Variants in GSK3B observed in about 807,000 individuals in gnomAD.
GSK3B encodes glycogen synthase kinase-3 beta.
A neutral mutation model predicts 56.4 loss-of-function variants in GSK3B; 15 were observed. The observed-to-expected ratio is 0.27, with a 90% confidence interval of 0.18 to 0.41. The LOEUF is 0.41. Among genes scored for constraint, GSK3B ranks in the 10% least tolerant of loss-of-function variants. The pLI is 1.00. For synonymous variants in GSK3B, 181 were observed against 188.9 expected (o/e 0.96, Z 0.34); for missense variants, 300 against 513.4 (o/e 0.58, Z 4.02).
At chr3:119,878,949 G>A (rs973974198) in intron 7 of GSK3B, among the ~76,000 whole-genome samples, 1 of 152,158 alleles carries the variant, frequency 6.6e-6, no homozygotes, top group African/African-American at 2.4e-5. Flanking sequence ...GGAAACTACT[G>A]GGATTATGAA....
chr3:119,838,980 G>GT (rs1417081883), intron 10 of GSK3B, among the ~76,000 whole-genome samples: 1 of 152,192 alleles, frequency 6.6e-6, no homozygotes, highest in African/African-American at 2.4e-5. Flanking sequence ...TGCAAAAGCA[G>GT]TTCCCTCAGT....
intron 1 of GSK3B, among the ~76,000 whole-genome samples, chr3:120,043,248 A>T (rs921834705): frequency 3.3e-5 from 5 of 152,092 alleles, no homozygotes; most frequent in Non-Finnish European, 7.4e-5. Flanking sequence ...AGTCAAGAAA[A>T]CACCACCACC....
chr3:119,960,151 CAAA>C (rs574956694), intron 2 of GSK3B, among the ~76,000 whole-genome samples: 11 of 74,644 alleles, frequency 1.5e-4, no homozygotes, highest in Admixed American at 1.2e-3. Context: ...TATGCTGAGA[CAAA>C]AAAAAAAAAA....
chr3:120,050,199 G>A (rs2058137154), intron 1 of GSK3B, among the ~76,000 whole-genome samples: 1 of 152,158 alleles, frequency 6.6e-6, no homozygotes, highest in Non-Finnish European at 1.5e-5. Context: ...ACCAGAGCAA[G>A]AACTCACTCA....
chr3:119,965,980 C>T (rs12638973), intron 2 of GSK3B, among the ~76,000 whole-genome samples: 36,736 of 152,046 alleles, frequency 0.24, 4,889 homozygotes, highest in East Asian at 0.48. Flanking sequence ...CACAATTTTC[C>T]GGGGAATCTA....
At chr3:119,980,634 G>T (rs148775668) in intron 2 of GSK3B, among the ~76,000 whole-genome samples, 1 of 152,132 alleles carries the variant, frequency 6.6e-6, no homozygotes, top group Non-Finnish European at 1.5e-5. Flanking sequence ...CATTACAGGC[G>T]TGAGACACCG....
chr3:120,046,065 AGGGGATGGGAG>A (rs1374659077), intron 1 of GSK3B, among the ~76,000 whole-genome samples: 1 of 142,870 alleles, frequency 7.0e-6, no homozygotes, highest in Admixed American at 6.9e-5. Flanking sequence ...AGTGGTGGCC[AGGGGATGGGAG>A]GAGGTGGATG....
At chr3:119,929,248 C>G (rs983786041) in intron 3 of GSK3B, among the ~76,000 whole-genome samples, 6 of 152,138 alleles carry the variant, frequency 3.9e-5, no homozygotes, top group Non-Finnish European at 7.4e-5. Context: ...AAAAGGATTG[C>G]TGTATTAAAT....
intron 1 of GSK3B, among the ~76,000 whole-genome samples, chr3:120,079,338 ACACACACACACATTT>A (rs1021354104): frequency 1.0e-4 from 14 of 138,488 alleles, no homozygotes; most frequent in Non-Finnish European, 1.1e-4. Context: ...ACACACACAC[ACACACACACACATTT>A]TTTTTTTTAA....
intron 1 of GSK3B, among the ~76,000 whole-genome samples, chr3:120,062,306 T>G (rs951607564): frequency 6.6e-6 from 1 of 152,226 alleles, no homozygotes; most frequent in Non-Finnish European, 1.5e-5. Context: ...GTATGTTACA[T>G]GTACCACCTT....
chr3:119,908,145 C>T (rs2056701116), intron 6 of GSK3B, among the ~76,000 whole-genome samples: 1 of 152,076 alleles, frequency 6.6e-6, no homozygotes, highest in African/African-American at 2.4e-5. Context: ...AGGCAAGTAT[C>T]CTAAGTTTAT....
intron 7 of GSK3B, among the ~76,000 whole-genome samples, chr3:119,892,722 T>C (rs1253002558): frequency 6.6e-6 from 1 of 152,136 alleles, no homozygotes; most frequent in Non-Finnish European, 1.5e-5. Flanking sequence ...TTATAGATAA[T>C]GAATTCAATA....
chr3:120,066,189 C>G (rs1279385042), intron 1 of GSK3B, among the ~76,000 whole-genome samples: 3 of 152,094 alleles, frequency 2.0e-5, no homozygotes. Flanking sequence ...ATCCTAAAAA[C>G]AACCACCAAC....
At chr3:119,870,184 T>C (rs2056234173) in intron 8 of GSK3B, among the ~76,000 whole-genome samples, 1 of 152,168 alleles carries the variant, frequency 6.6e-6, no homozygotes, top group African/African-American at 2.4e-5. Flanking sequence ...CCATCCTCAC[T>C]GGAAGTCTGC....
rs1310686053 is a variant in GSK3B, at chr3:119,824,407, T to G, written c.*2381A>C. ...AAAAGCGTGACTTTTCTCTCTTCTTTTACCCCAGTTGTGGGGGGCAACCTG... is the reference window on the plus strand; with the variant it reads ...AAAAGCGTGACTTTTCTCTCTTCTTGTACCCCAGTTGTGGGGGGCAACCTG... On this transcript the variant is annotated 3_prime_UTR_variant, in exon 11 of 11. Coordinates refer to ENST00000264235, the MANE Select transcript of GSK3B (RefSeq NM_001146156.2). 1 of 217,816 alleles carries G rather than the reference T, an allele frequency of 4.6e-6. No homozygotes were observed. Among genetic ancestry groups the G allele is most frequent in the Non-Finnish European group, 9.2e-6 (1 of 108,356 alleles). The allele number at this position is 217,816 out of a possible 1,614,324, so 13.5% of individuals were successfully genotyped here. A position where few individuals can be genotyped will look rare whatever the true frequency, so the allele number is the denominator to read the frequency against.
rs558231657 is a variant in GSK3B at position 120,006,737 on chromosome 3, C to T, written c.89-4498G>A. On this transcript the variant is annotated intron_variant, in intron 1 of 10. Coordinates refer to ENST00000264235, the MANE Select transcript of GSK3B (RefSeq NM_001146156.2). ...CTAATGAGAACAAAGACACAACATA[C>T]CAGAATCTCTGGAACACATTTAAAG... 3.3e-5 allele frequency among the ~76,000 whole-genome samples: 5 copies of T among 152,130 alleles called. No homozygotes were observed. In the East Asian group the frequency reaches 5.8e-4, roughly 18 times the overall value.
intron 1 of GSK3B, among the ~76,000 whole-genome samples, chr3:120,006,560 C>T (rs915775790): frequency 2.2e-4 from 34 of 152,198 alleles, no homozygotes; most frequent in African/African-American, 8.2e-4. Context: ...TCACAACAAA[C>T]TGTCTCTCAG....
intron 7 of GSK3B, among the ~76,000 whole-genome samples, chr3:119,889,421 C>T (rs553017470): frequency 9.9e-5 from 15 of 152,086 alleles, no homozygotes; most frequent in African/African-American, 3.6e-4. Context: ...GCACAAAGAA[C>T]AGGAAGGGGA....
chr3:119,862,084 GTCT>G (rs199935450), intron 9 of GSK3B, among the ~76,000 whole-genome samples: 12 of 149,278 alleles, frequency 8.0e-5, no homozygotes, highest in East Asian at 3.9e-4. Context: ...CAAAATAAAA[GTCT>G]TCTTTTTTTT....
Sources: allele counts gnomAD v4.1 joint callset (sites outside exome capture counted in the v4.1 genomes callset), GRCh38; gene constraint gnomAD v4.1.1; transcripts MANE v1.5; gene names NCBI Gene and HGNC (gene_info 2026-07-23, HGNC 2026-07-21).